ABI3BP: variants seen among roughly 807,000 people sequenced by gnomAD.
The protein encoded by ABI3BP is target of Nesh-SH3.
A neutral mutation model predicts 268.6 loss-of-function variants in ABI3BP; 216 were observed. That is an observed-to-expected ratio of 0.80 (90% CI 0.72 to 0.90). ABI3BP has a LOEUF of 0.90. ABI3BP is among the 40% of genes least tolerant of loss of function. ABI3BP has a pLI of 0.00. For synonymous variants in ABI3BP, 730 were observed against 730.0 expected (o/e 1.00, Z 0.00); for missense variants, 2,090 against 2,182.4 (o/e 0.96, Z 0.84).
chr3:100,932,736 C>T (rs1467049035), intron 1 of ABI3BP, among the ~76,000 whole-genome samples: 1 of 151,958 alleles, frequency 6.6e-6, no homozygotes, highest in African/African-American at 2.4e-5. Flanking sequence ...GGAATGTTTA[C>T]ACACTGCTAG....
chr3:100,971,340 T>C (rs2083484202), intron 1 of ABI3BP, among the ~76,000 whole-genome samples: 1 of 152,172 alleles, frequency 6.6e-6, no homozygotes, highest in African/African-American at 2.4e-5. Flanking sequence ...CAGGCCTGAT[T>C]CTCTTGAATT....
chr3:100,821,761 C>T (rs1368393957), intron 38 of ABI3BP, among the ~76,000 whole-genome samples: 1 of 151,810 alleles, frequency 6.6e-6, no homozygotes, highest in Non-Finnish European at 1.5e-5. Flanking sequence ...CACCACCATG[C>T]CCAGCTAATT....
intron 1 of ABI3BP, among the ~76,000 whole-genome samples, chr3:100,942,356 G>C (rs930790193): frequency 6.6e-6 from 1 of 152,056 alleles, no homozygotes; most frequent in African/African-American, 2.4e-5. Context: ...CACAAAAGTA[G>C]TTTTTATCCC....
At chr3:100,790,654 T>A (rs570185651) in intron 55 of ABI3BP, among the ~76,000 whole-genome samples, 1 of 152,090 alleles carries the variant, frequency 6.6e-6, no homozygotes, top group African/African-American at 2.4e-5. Flanking sequence ...TTCCCAAGTA[T>A]AATAACCATA....
chr3:100,986,815 A>T (rs1312706181), intron 1 of ABI3BP, among the ~76,000 whole-genome samples: 1 of 152,248 alleles, frequency 6.6e-6, no homozygotes, highest in Admixed American at 6.5e-5. Flanking sequence ...TCACATGTTT[A>T]TAAACACTTA....
intron 1 of ABI3BP, among the ~76,000 whole-genome samples, chr3:100,951,840 A>G: frequency 6.6e-6 from 1 of 151,950 alleles, no homozygotes; most frequent in East Asian, 1.9e-4. Flanking sequence ...CTCCTTGACC[A>G]CTTTGGTGCA....
intron 14 of ABI3BP, among the ~76,000 whole-genome samples, chr3:100,852,551 G>C (rs190709045): frequency 9.2e-5 from 14 of 152,156 alleles, no homozygotes; most frequent in African/African-American, 3.4e-4. Context: ...GTGGTTTATA[G>C]CATGAACACA....
chr3:100,821,597 CTTTTTTT>C (rs369631203), intron 38 of ABI3BP, among the ~76,000 whole-genome samples: 3 of 119,136 alleles, frequency 2.5e-5, no homozygotes, highest in African/African-American at 6.7e-5. Context: ...TGAAGTAAGA[CTTTTTTT>C]TTTTTTTTTT....
At chr3:100,752,740 A>G (rs1465494283) in intron 66 of ABI3BP, 47 bp downstream of exon 66, 1 of 1,592,240 alleles carries the variant, frequency 6.3e-7, no homozygotes, top group Admixed American at 1.7e-5. Context: ...GCTGCAAAAC[A>G]TTCCCATAAG....
chr3:100,872,551 T>C (rs971373955), intron 9 of ABI3BP, among the ~76,000 whole-genome samples: 1 of 152,320 alleles, frequency 6.6e-6, no homozygotes, highest in South Asian at 2.1e-4. Context: ...TTTCTGCAGT[T>C]TTGATGGTAA....
chr3:100,973,647 C>T (rs1223980629), intron 1 of ABI3BP, among the ~76,000 whole-genome samples: 1 of 152,114 alleles, frequency 6.6e-6, no homozygotes, highest in Non-Finnish European at 1.5e-5. Flanking sequence ...ACGTGAGATG[C>T]TCAGATTTAG....
intron 1 of ABI3BP, among the ~76,000 whole-genome samples, chr3:100,979,179 C>A (rs927075997): frequency 2.0e-5 from 3 of 152,194 alleles, no homozygotes; most frequent in African/African-American, 7.2e-5. Context: ...AGGACCACTG[C>A]GCTCAGTGAT....
chr3:100,864,663 TG>T, intron 11 of ABI3BP, 169 bp downstream of exon 11: 1 of 586,602 alleles, frequency 1.7e-6, no homozygotes, highest in Admixed American at 3.1e-5. Context: ...AACTCTTCAG[TG>T]GAATCTGTCC....
chr3:100,827,093 C>T (rs1316132655), intron 34 of ABI3BP, among the ~76,000 whole-genome samples: 2 of 152,074 alleles, frequency 1.3e-5, no homozygotes, highest in Non-Finnish European at 2.9e-5. Context: ...TGTTGAAACC[C>T]AAATTCATTT....
At chr3:100,778,254 C>CG (rs371653435) in intron 59 of ABI3BP, 30 bp downstream of exon 59, 1 of 1,594,452 alleles carries the variant, frequency 6.3e-7, no homozygotes, top group East Asian at 2.3e-5. Flanking sequence ...GAAATCATGG[C>CG]GGGAAAAGGA....
chr3:100,819,947 CAAAAAAAAA>C (rs3029879), intron 40 of ABI3BP, among the ~76,000 whole-genome samples: 1 of 94,628 alleles, frequency 1.1e-5, no homozygotes, highest in East Asian at 3.4e-4. Context: ...GACTCCGTCT[CAAAAAAAAA>C]AAAAAAAAAA....
At chr3:100,982,764 G>T (rs892315890) in intron 1 of ABI3BP, among the ~76,000 whole-genome samples, 1 of 152,092 alleles carries the variant, frequency 6.6e-6, no homozygotes. Context: ...AGTTTGGAGA[G>T]GATGGGCCTG....
At chr3:100,808,314 G>T in intron 49 of ABI3BP, 79 bp from the exon 50 acceptor site, 2 of 1,044,062 alleles carry the variant, frequency 1.9e-6, no homozygotes, top group Non-Finnish European at 2.7e-6. Context: ...GCTCAGGGAT[G>T]TTTACTGAGT....
At chr3:100,870,692 T>C (rs968485412) in intron 9 of ABI3BP, among the ~76,000 whole-genome samples, 6 of 152,196 alleles carry the variant, frequency 3.9e-5, no homozygotes, top group African/African-American at 1.2e-4. Context: ...ATCCCTCTTC[T>C]GGACATACGT....
Sources: gnomAD v4.1 joint callset for allele counts (sites outside exome capture counted in the v4.1 genomes callset) on GRCh38, gnomAD v4.1.1 for gene constraint, MANE v1.5 for transcripts, NCBI Gene and HGNC (gene_info 2026-07-23, HGNC 2026-07-21) for gene names.